The following FCRL3 variants were observed in gnomAD, a reference collection of about 807,000 sequenced individuals.
FCRL3 encodes the protein Fc receptor-like protein 3.
A neutral mutation model predicts 75.0 loss-of-function variants in FCRL3; 89 were observed. The observed-to-expected ratio is 1.19, with a 90% CI of 1.00 to 1.42. The LOEUF is 1.42. Ranked by LOEUF, FCRL3 falls within the 40% of genes most tolerant of loss-of-function variation. The pLI, the probability that FCRL3 is intolerant of heterozygous loss-of-function variation, is 0.00. For missense variants in FCRL3, 946 were observed against 880.0 expected, an observed-to-expected ratio of 1.07 and a Z score of -0.95; for synonymous variants, 376 against 348.5, an observed-to-expected ratio of 1.08 and a Z score of -0.88.
chr1:157,699,669 G>A, intron 3 of FCRL3, 23 bp downstream of exon 3: 2 of 1,613,304 alleles, frequency 1.2e-6, no homozygotes, highest in East Asian at 2.2e-5. Context: ...AGACCAGAGG[G>A]GCAGAGAGAA....
intron 4 of FCRL3, 93 bp from the exon 5 acceptor site, chr1:157,698,012 A>G: frequency 7.8e-6 from 11 of 1,417,104 alleles, no homozygotes; most frequent in Non-Finnish European, 1.0e-5. Flanking sequence ...ACAGTTCTAT[A>G]CACACCTGCA....
chr1:157,698,317 C>A lies in FCRL3; in HGVS notation c.298+67G>T, dbSNP rs1656092101. On this transcript the variant is annotated intron_variant, in intron 4 of 14. Coordinates refer to ENST00000368184, the MANE Select transcript of FCRL3 (RefSeq NM_052939.4). ...CTTACAACTCTGCCTAGGATCCCTG[C>A]ATTAACCCGGCCCTCAGGCATTCTG... 11 of 1,585,246 alleles carry A rather than the reference C, an allele frequency of 6.9e-6. No individual in the cohort carries two copies. In the South Asian group the frequency reaches 1.3e-4, roughly 18 times the overall value.
Position 157,697,781 on chromosome 1 carries a change from A to C in FCRL3, c.437T>G (p.Leu146Ter), listed in dbSNP as rs140499647. 1.2e-6 allele frequency: 2 copies of C among 1,614,034 alleles called. No individual in the cohort carries two copies. The highest frequency in any genetic ancestry group is 3.3e-5 in the Admixed American group (2 of 60,008). ...GACTGAATTCACTGTGATCTTCTCT[A>C]AATTATAACTATTAGGAAGCTGTTT... Reference protein sequence around the residue: ...DGKQLPNSYNLEKITVNSVSR... With the variant: ...DGKQLPNSYN The change falls in exon 5 of 15, where the codon TTA becomes TGA. Residue 146 changes from leucine (L) to a stop codon, truncating the protein, a stop_gained. Coordinates refer to ENST00000368184, the MANE Select transcript of FCRL3 (RefSeq NM_052939.4). LOFTEE classifies it high-confidence loss of function.
In FCRL3 at chr1:157,676,959, C is replaced by T; in HGVS notation, c.*1751G>A. 1 of 1,392,820 alleles carries T rather than the reference C, an allele frequency of 7.2e-7. No individual in the cohort carries two copies. The highest frequency in any genetic ancestry group is 9.3e-7 in the Non-Finnish European group (1 of 1,072,916). The allele number at this position is 1,392,820 out of a possible 1,614,324, so 86.3% of individuals were successfully genotyped here. A position where few individuals can be genotyped will look rare whatever the true frequency, so the allele number is the denominator to read the frequency against. The stretch of plus-strand genomic sequence containing the variant: ...ATTTTCACCATAGAGAAAAAAACAG[C>T]AGAATGTATCACATAGAAGACAGAG... On this transcript the variant is annotated 3_prime_UTR_variant, in exon 15 of 15. Coordinates refer to ENST00000368184, the MANE Select transcript of FCRL3 (RefSeq NM_052939.4).
intron 8 of FCRL3, 72 bp from the exon 9 acceptor site, chr1:157,690,605 T>A (rs1655465038): frequency 6.4e-7 from 1 of 1,551,808 alleles, no homozygotes; most frequent in Non-Finnish European, 8.7e-7. Flanking sequence ...TAAAGGAATA[T>A]GCAGCATAGT....
In FCRL3 at chr1:157,676,901, G is replaced by A; in HGVS notation, c.*1809C>T. 1 of 1,459,020 alleles carries A rather than the reference G, an allele frequency of 6.9e-7. No individual in the cohort carries two copies. Among genetic ancestry groups the A allele is most frequent in the Non-Finnish European group, 9.0e-7 (1 of 1,108,958 alleles). The allele number at this position is 1,459,020 out of a possible 1,614,324, so 90.4% of individuals were successfully genotyped here. On this transcript the variant is annotated 3_prime_UTR_variant, in exon 15 of 15. Transcript: ENST00000368184. Reference sequence around the variant, plus strand: ...GAAAGGAGGAGAGCCTCCATATACAGCCTGGTGGTTGGTACCCAAAACCGG... The same window carrying A: ...GAAAGGAGGAGAGCCTCCATATACAACCTGGTGGTTGGTACCCAAAACCGG...
rs1655391045 is a variant in FCRL3 at position 157,689,745 on chromosome 1, AATT to A, written c.1810+50_1810+52del. The A allele has an allele frequency of 2.7e-5, 44 of 1,609,770 alleles. 2 individuals are homozygous for A. In the South Asian group the frequency reaches 4.4e-4, roughly 16 times the overall value. On this transcript the variant is annotated intron_variant, in intron 10 of 14. Transcript: ENST00000368184. The stretch of plus-strand genomic sequence containing the variant: ...TTATAGGGTGCACCAGACAACTTCA[AATT>A]ATTATAGCAACGGCAAAATCACATC...
chr1:157,696,468 G>T, intron 6 of FCRL3, 141 bp from the exon 7 acceptor site: 1 of 767,476 alleles, frequency 1.3e-6, no homozygotes, highest in Non-Finnish European at 2.1e-6. Context: ...GAAATTAATT[G>T]TGTATACGAT....
At position 157,676,782 on chromosome 1, in the gene FCRL3, A is replaced by G. The variant is rs182713782; in HGVS notation, c.*1928T>C. 2,601 of 1,550,158 alleles carry G rather than the reference A, an allele frequency of 1.7e-3. 1 individual carries two copies. The highest frequency in any genetic ancestry group is 2.1e-3 in the Non-Finnish European group (2,413 of 1,146,772). On this transcript the variant is annotated 3_prime_UTR_variant, in exon 15 of 15. Transcript: ENST00000368184. ...TGGGTTCAGAATCTAGAAAATGGATAAACAATGATAAGAGATGACAGGTCC... is the reference window on the plus strand; with the variant it reads ...TGGGTTCAGAATCTAGAAAATGGATGAACAATGATAAGAGATGACAGGTCC...
chr1:157,692,445 G>T (rs949084781), intron 8 of FCRL3, among the ~76,000 whole-genome samples: 4 of 151,994 alleles, frequency 2.6e-5, no homozygotes, highest in Non-Finnish European at 5.9e-5. Context: ...TCCCCATGTT[G>T]CCCAGGCTGG....
At chr1:157,692,811 T>A (rs2101614080) in intron 8 of FCRL3, among the ~76,000 whole-genome samples, 1 of 152,358 alleles carries the variant, frequency 6.6e-6, no homozygotes, top group Admixed American at 6.5e-5. Flanking sequence ...TCTAAACTTA[T>A]GCTATGGAGA....
intron 7 of FCRL3, chr1:157,695,839 T>C: frequency 1.4e-6 from 1 of 699,226 alleles, no homozygotes; most frequent in South Asian, 2.1e-5. Context: ...AGTAAGGTGC[T>C]TCAACTTATT....
chr1:157,678,023 G>A lies in FCRL3; in HGVS notation c.*687C>T. Reference sequence around the variant, plus strand: ...GCAAATGATGAGACTATGTCATGAAGCAAAAATTACAATTAATGTGATTCT... The same window carrying A: ...GCAAATGATGAGACTATGTCATGAAACAAAAATTACAATTAATGTGATTCT... On this transcript the variant is annotated 3_prime_UTR_variant, in exon 15 of 15. Coordinates refer to ENST00000368184, the MANE Select transcript of FCRL3 (RefSeq NM_052939.4). 4.1e-6 allele frequency: 4 copies of A among 985,380 alleles called. No individual in the cohort carries two copies. Among genetic ancestry groups the A allele is most frequent in the Non-Finnish European group, 4.8e-6 (4 of 829,942 alleles). 61.0% of individuals were successfully genotyped at this position (985,380 alleles called of 1,614,324 possible).
At chr1:157,699,572 G>A in intron 3 of FCRL3, 120 bp downstream of exon 3, 1 of 1,008,720 alleles carries the variant, frequency 9.9e-7, no homozygotes, top group East Asian at 2.6e-5. Context: ...AGTAGCAGAT[G>A]TGACCCCAGA....
chr1:157,683,698 T>C (rs1654991442), intron 10 of FCRL3, among the ~76,000 whole-genome samples: 1 of 152,114 alleles, frequency 6.6e-6, no homozygotes, highest in South Asian at 2.1e-4. Flanking sequence ...TACCTTCTCT[T>C]TCTCTAACTG....
chr1:157,679,830 CAAAAAAAAAAAA>C (rs1166825112), intron 13 of FCRL3, among the ~76,000 whole-genome samples: 40 of 49,916 alleles, frequency 8.0e-4, no homozygotes, highest in African/African-American at 3.4e-3. Flanking sequence ...CCCCATCTCA[CAAAAAAAAAAAA>C]AAAAAAAAAA....
In FCRL3 at chr1:157,681,782, G is replaced by A. The variant is rs897932712; in HGVS notation, c.1839-683C>T. On this transcript the variant is annotated intron_variant, in intron 11 of 14. Transcript: ENST00000368184. ...CAGTAATGGGATGGCTGGGTCAAAT[G>A]GTATTTCTACTTCTAGATCCCTGAG... Among the ~76,000 whole-genome samples, 12 of 152,162 alleles carry A rather than the reference G, an allele frequency of 7.9e-5. 2 individuals carry two copies. Among genetic ancestry groups the A allele is most frequent in the Admixed American group, 7.2e-4 (11 of 15,294 alleles).
At chr1:157,700,341 C>T in intron 2 of FCRL3, 118 bp downstream of exon 2, 1 of 1,487,546 alleles carries the variant, frequency 6.7e-7, no homozygotes, top group South Asian at 1.2e-5. Flanking sequence ...GCTCACTTCC[C>T]ATCCCTTGCT....
chr1:157,685,873 C>T (rs778704747), intron 10 of FCRL3, among the ~76,000 whole-genome samples: 2 of 151,968 alleles, frequency 1.3e-5, no homozygotes, highest in African/African-American at 4.8e-5. Context: ...AAAATTAATG[C>T]ATAAATAAAA....
Sources: allele counts gnomAD v4.1 joint callset (sites outside exome capture counted in the v4.1 genomes callset), GRCh38; gene constraint gnomAD v4.1.1; transcripts MANE v1.5; gene names NCBI Gene and HGNC (gene_info 2026-07-23, HGNC 2026-07-21).